Variants in KREMEN1 observed in about 807,000 individuals in gnomAD.
KREMEN1 encodes kremen protein 1.
In KREMEN1, 30 loss-of-function variants were observed where a neutral mutation model predicts 46.5. The observed-to-expected ratio is 0.65, with a 90% CI of 0.48 to 0.88. The LOEUF is 0.88. Ranked by LOEUF, KREMEN1 falls within the 40% of genes least tolerant of loss-of-function variation. The pLI, the probability that KREMEN1 is intolerant of heterozygous loss-of-function variation, is 0.00. For synonymous variants in KREMEN1, 214 were observed against 230.6 expected (o/e 0.93, Z 0.65); for missense variants, 533 against 596.9 (o/e 0.89, Z 1.11).
chr22:29,154,953 C>T (rs1487446384), intron 9 of KREMEN1, among the ~76,000 whole-genome samples: 1 of 152,100 alleles, frequency 6.6e-6, no homozygotes, highest in Non-Finnish European at 1.5e-5. Flanking sequence ...AATTATTCTA[C>T]CTCCATACTA....
chr22:29,123,432 A>G lies in KREMEN1; in HGVS notation c.478-1831A>G, dbSNP rs1601792171. 2.6e-5 allele frequency among the ~76,000 whole-genome samples: 4 copies of G among 152,340 alleles called. No individual in the cohort carries two copies. In the South Asian group the frequency reaches 8.3e-4, roughly 32 times the overall value. On this transcript the variant is annotated intron_variant, in intron 4 of 8. Coordinates refer to ENST00000400335, the MANE Select transcript of KREMEN1 (RefSeq NM_001039570.3). The stretch of plus-strand genomic sequence containing the variant: ...TGGGCAAAAGACCTGAACAGAAGAT[A>G]TACAGATGGCAAATAAGCATATGAA...
chr22:29,123,716 G>A (rs1464849883), intron 4 of KREMEN1, among the ~76,000 whole-genome samples: 1 of 152,232 alleles, frequency 6.6e-6, no homozygotes, highest in Non-Finnish European at 1.5e-5. Flanking sequence ...CTTGCACCTG[G>A]GAGGTGGAGG....
At chr22:29,107,218 CTTT>C (rs1188000476) in intron 3 of KREMEN1, among the ~76,000 whole-genome samples, 2,246 of 111,926 alleles carry the variant, frequency 0.02, 42 homozygotes, top group African/African-American at 0.077. Context: ...ACCATTTATA[CTTT>C]TTTTTTTTTT....
chr22:29,107,482 A>T (rs1012772944), intron 3 of KREMEN1, among the ~76,000 whole-genome samples: 3 of 151,998 alleles, frequency 2.0e-5, no homozygotes, highest in African/African-American at 7.2e-5. Context: ...GGCTTCCCAA[A>T]GTGCTGGGAT....
chr22:29,102,776 T>G (rs2037996541), intron 3 of KREMEN1, among the ~76,000 whole-genome samples: 1 of 152,206 alleles, frequency 6.6e-6, no homozygotes, highest in Non-Finnish European at 1.5e-5. Flanking sequence ...CTGTGGCCCC[T>G]TGATAACCCT....
chr22:29,133,171 C>G lies in KREMEN1; in HGVS notation c.632-4171C>G, dbSNP rs770818441. 3.6e-4 allele frequency among the ~76,000 whole-genome samples: 54 copies of G among 151,082 alleles called. 1 individual carries two copies. Among genetic ancestry groups the G allele is most frequent in the South Asian group, 6.3e-4 (3 of 4,794 alleles). On this transcript the variant is annotated intron_variant, in intron 5 of 8. Coordinates refer to ENST00000400335, the MANE Select transcript of KREMEN1 (RefSeq NM_001039570.3). ...GCTGAGGCAGGAGAATGGCGTGAAC[C>G]CAGGAGGTGAAGCTTGCAGTGAGCA...
At chr22:29,111,452 A>C (rs1277986642) in intron 3 of KREMEN1, 3 of 151,918 alleles carry the variant, frequency 2.0e-5, no homozygotes, top group African/African-American at 7.3e-5. Context: ...CTCTACTAAA[A>C]AAATACAAAA....
intron 1 of KREMEN1, among the ~76,000 whole-genome samples, chr22:29,084,364 C>T (rs566748329): frequency 2.0e-4 from 31 of 152,218 alleles, no homozygotes; most frequent in African/African-American, 7.0e-4. Context: ...CCTCATTTTA[C>T]CCATCTGCTG....
At chr22:29,164,061 C>T (rs931650703) in intron 9 of KREMEN1, among the ~76,000 whole-genome samples, 3 of 152,180 alleles carry the variant, frequency 2.0e-5, no homozygotes, top group African/African-American at 7.2e-5. Context: ...GGGATCTTCC[C>T]ACCTCAGCCT....
chr22:29,141,305 G>T (rs1322200934), intron 8 of KREMEN1, among the ~76,000 whole-genome samples: 1 of 151,958 alleles, frequency 6.6e-6, no homozygotes, highest in Non-Finnish European at 1.5e-5. Context: ...GTGTCTGTGT[G>T]TGTGTGTATG....
rs781678617 is a variant in KREMEN1, at chr22:29,137,694, T to C, written c.964+20T>C. 4.5e-6 allele frequency: 7 copies of C among 1,561,562 alleles called. No individual in the cohort carries two copies. The highest frequency in any genetic ancestry group is 1.3e-5 in the African/African-American group (1 of 74,084). On this transcript the variant is annotated intron_variant, in intron 6 of 8. Coordinates refer to ENST00000400335, the MANE Select transcript of KREMEN1 (RefSeq NM_001039570.3). ...ACCAAGGTAAGACATCTTTGCCTCC[T>C]TGGGGGTTCTTCAGGGCCCACGTGC...
chr22:29,125,368 G>A lies in KREMEN1; in HGVS notation c.583G>A (p.Asp195Asn). 2 of 1,614,194 alleles carry A rather than the reference G, an allele frequency of 1.2e-6. No homozygotes were observed. The highest frequency in any genetic ancestry group is 1.7e-6 in the Non-Finnish European group (2 of 1,180,028). The part of the protein sequence containing the change: ...STECNSVCFG[D>N]HTQPCGGDGR... ...CGAATGCAACAGCGTCTGCTTCGGGGATCACACCCAACCCTGTGGTGGCGA... is the reference window on the plus strand; with the variant it reads ...CGAATGCAACAGCGTCTGCTTCGGGAATCACACCCAACCCTGTGGTGGCGA... Residue 195 changes from aspartate (D) to asparagine (N), a missense_variant, in exon 5 of 9, where the codon GAT becomes AAT. By Grantham distance (23) the Asp-to-Asn change is conservative. Transcript: ENST00000400335.
At chr22:29,149,246 T>C (rs1163546248), downstream of KREMEN1, among the ~76,000 whole-genome samples, 2 of 151,618 alleles carry the variant, frequency 1.3e-5, no homozygotes, top group Admixed American at 6.6e-5. Context: ...CACTGCAACC[T>C]CCGCCTCCTG....
chr22:29,136,644 T>C (rs1205467754), intron 5 of KREMEN1, among the ~76,000 whole-genome samples: 2 of 152,062 alleles, frequency 1.3e-5, no homozygotes, highest in African/African-American at 4.8e-5. Context: ...AGATCTTGTT[T>C]ACATTTCACC....
At chr22:29,157,299 A>G (rs984390971) in intron 9 of KREMEN1, among the ~76,000 whole-genome samples, 3 of 152,192 alleles carry the variant, frequency 2.0e-5, no homozygotes, top group Non-Finnish European at 4.4e-5. Context: ...GCCGAGGCCC[A>G]GAGAGCAGAA....
downstream of KREMEN1, among the ~76,000 whole-genome samples, chr22:29,150,997 G>A (rs528309574): frequency 2.0e-5 from 3 of 152,340 alleles, no homozygotes; most frequent in African/African-American, 7.2e-5. Context: ...CAGGCAGTGG[G>A]TGGGCCCCCA....
intron 3 of KREMEN1, among the ~76,000 whole-genome samples, chr22:29,101,252 CA>C (rs368843166): frequency 0.37 from 27,713 of 74,830 alleles, 1,457 homozygotes; most frequent in Middle Eastern, 0.5. Context: ...AGTCTGTCTC[CA>C]AAAAAAAAAA....
At chr22:29,091,737 C>G (rs134655) in intron 1 of KREMEN1, among the ~76,000 whole-genome samples, 65,668 of 151,892 alleles carry the variant, frequency 0.43, 15,272 homozygotes, top group Middle Eastern at 0.6. Context: ...CACATTGTCT[C>G]TCTCTCTCTC....
rs758317223 is a variant in KREMEN1 at position 29,146,363 on chromosome 22, C to G, written c.*4251C>G. 41 of 985,774 alleles carry G rather than the reference C, an allele frequency of 4.2e-5. No homozygotes were observed. The highest frequency in any genetic ancestry group is 4.9e-5 in the Non-Finnish European group (41 of 829,992). The allele number at this position is 985,774 out of a possible 1,614,324, so 61.1% of individuals were successfully genotyped here. The stretch of plus-strand genomic sequence containing the variant: ...GGGCTTCACCCTCTGCCTGCAGACC[C>G]CTGGTGGGCACATCTCACAGGCTTC... On this transcript the variant is annotated 3_prime_UTR_variant, in exon 9 of 9. Coordinates refer to ENST00000400335, the MANE Select transcript of KREMEN1 (RefSeq NM_001039570.3).
Sources: gnomAD v4.1 joint callset for allele counts (sites outside exome capture counted in the v4.1 genomes callset) on GRCh38, gnomAD v4.1.1 for gene constraint, MANE v1.5 for transcripts, NCBI Gene and HGNC (gene_info 2026-07-23, HGNC 2026-07-21) for gene names.